MKI67: variants seen among roughly 807,000 people sequenced by gnomAD.
MKI67 encodes the protein proliferation marker protein Ki-67.
Under a neutral mutation model 233.5 loss-of-function variants are expected in MKI67, and 152 were observed. The observed-to-expected ratio is 0.65, with a 90% CI of 0.57 to 0.74. The LOEUF is 0.74. Among genes scored for constraint, MKI67 ranks in the 30% least tolerant of loss-of-function variants. The pLI is 0.00. For missense variants in MKI67, 3,940 were observed against 3,885.2 expected, an observed-to-expected ratio of 1.01 and a Z score of -0.37; for synonymous variants, 1,465 against 1,418.5, an observed-to-expected ratio of 1.03 and a Z score of -0.74.
At chr10:128,112,757 C>T (rs528444925) in intron 8 of MKI67, among the ~76,000 whole-genome samples, 18 of 152,264 alleles carry the variant, frequency 1.2e-4, no homozygotes, top group Admixed American at 5.2e-4. Context: ...ACCCAGCCCC[C>T]GGCAGTCCAC....
At chr10:128,114,183 C>T (rs1000512453) in intron 7 of MKI67, among the ~76,000 whole-genome samples, 2 of 152,214 alleles carry the variant, frequency 1.3e-5, no homozygotes, top group Non-Finnish European at 2.9e-5. Context: ...TATAGGCCAC[C>T]TGCAGAAACA....
At chr10:128,099,640 T>A (rs2136122652) in intron 14 of MKI67, among the ~76,000 whole-genome samples, 1 of 152,340 alleles carries the variant, frequency 6.6e-6, no homozygotes, top group African/African-American at 2.4e-5. Context: ...GGAACCCCTG[T>A]AGACAGAAGC....
chr10:128,125,458 C>T lies in MKI67; in HGVS notation c.92+118G>A, dbSNP rs529102755. 434 of 786,124 alleles carry T rather than the reference C, an allele frequency of 5.5e-4. 1 individual carries two copies. Among genetic ancestry groups the T allele is most frequent in the South Asian group, 2.1e-3 (145 of 69,002 alleles). The allele number at this position is 786,124 out of a possible 1,614,324, so 48.7% of individuals were successfully genotyped here. A position where few individuals can be genotyped will look rare whatever the true frequency, so the allele number is the denominator to read the frequency against. The stretch of plus-strand genomic sequence containing the variant: ...TCAACTTAGTAACGAATGGGAGAAG[C>T]ACCAAGGAAAAGTGACGGCAGGACC... On this transcript the variant is annotated intron_variant, in intron 2 of 14. Transcript: ENST00000368654. This position sits in a 1 kb window ranked among gnomAD's most constrained non-coding sequence, Gnocchi z 5.3.
In MKI67 at chr10:128,119,321, T is replaced by G. The variant is rs868556803; in HGVS notation, c.288-2A>C. 6.3e-7 allele frequency: 1 copy of G among 1,595,058 alleles called. No homozygotes were observed. The highest frequency in any genetic ancestry group is 2.2e-5 in the East Asian group (1 of 44,774). ...TTCTGAAGACTTTCATTTTCATACC[T>G]GCAGTTTATAGAACGACAAAGATCC... On this transcript the variant is annotated splice_acceptor_variant, in intron 4 of 14. Coordinates refer to ENST00000368654, the MANE Select transcript of MKI67 (RefSeq NM_002417.5). LOFTEE classifies it high-confidence loss of function.
At chr10:128,112,557 C>G in intron 8 of MKI67, 112 bp from the exon 9 acceptor site, 11 of 1,034,016 alleles carry the variant, frequency 1.1e-5, no homozygotes, top group Non-Finnish European at 1.4e-5. Flanking sequence ...CTTGAAGCAT[C>G]AAATGCTTAA....
At position 128,125,353 on chromosome 10, in the gene MKI67, A is replaced by C. The variant is rs1853032719; in HGVS notation, c.92+223T>G. ...CAACATTAGCAAATCGATTTTTTTA[A>C]TTGGCTTGATTTTTAAAACCACTTA... On this transcript the variant is annotated intron_variant, in intron 2 of 14. Coordinates refer to ENST00000368654, the MANE Select transcript of MKI67 (RefSeq NM_002417.5). This position sits in a 1 kb window ranked among gnomAD's most constrained non-coding sequence, Gnocchi z 5.3. Among the ~76,000 whole-genome samples, 1 of 152,132 alleles carries C rather than the reference A, an allele frequency of 6.6e-6. No homozygotes were observed. The highest frequency in any genetic ancestry group is 2.1e-4 in the South Asian group (1 of 4,826).
intron 2 of MKI67, among the ~76,000 whole-genome samples, chr10:128,124,720 C>A: frequency 6.6e-6 from 1 of 152,174 alleles, no homozygotes; most frequent in East Asian, 1.9e-4. Flanking sequence ...GTTGGAAATA[C>A]AAGTTTTCAT....
chr10:128,104,609 G>GT lies in MKI67; in HGVS notation c.7230dup (p.Leu2411ThrfsTer18), dbSNP rs1852430838. On this transcript the variant is annotated frameshift_variant, in exon 13 of 15. Transcript: ENST00000368654. LOFTEE classifies it high-confidence loss of function. ...CCAGGTAAATTTCCTAGCAGGTCCA[G>GT]TTTCTGCACTGGAGTTTCCACAAAT... 1 of 1,613,530 alleles carries GT rather than the reference G, an allele frequency of 6.2e-7. No homozygotes were observed. Among genetic ancestry groups the GT allele is most frequent in the African/African-American group, 1.3e-5 (1 of 74,722 alleles).
rs200652929 is a variant in MKI67 at position 128,109,147 on chromosome 10, G to A, written c.2693C>T (p.Thr898Ile). 1.2e-6 allele frequency: 2 copies of A among 1,614,118 alleles called. No homozygotes were observed. Among genetic ancestry groups the A allele is most frequent in the East Asian group, 2.2e-5 (1 of 44,882 alleles). The change falls in exon 13 of 15, where the codon ACA becomes ATA. Residue 898 changes from threonine to isoleucine, a missense_variant. By Grantham distance (89) the Thr-to-Ile change is moderately conservative (BLOSUM62 -1). Transcript: ENST00000368654. Reference sequence around the variant, plus strand: ...TTTTAGGATGCACTCAACAATTTCTGTATTTGTTTCTTCACTCTTACTTTC... The same window carrying A: ...TTTTAGGATGCACTCAACAATTTCTATATTTGTTTCTTCACTCTTACTTTC... ...PVESKSEETN[T>I]EIVECILKRG...
At chr10:128,114,429 T>C (rs1216935455) in intron 7 of MKI67, among the ~76,000 whole-genome samples, 1 of 152,338 alleles carries the variant, frequency 6.6e-6, no homozygotes, top group South Asian at 2.1e-4. Flanking sequence ...ATGTGGCATA[T>C]GGACTCATGG....
Position 128,105,726 on chromosome 10 carries a change from G to A in MKI67, c.6114C>T (p.Ser2038=). Reference sequence around the variant, plus strand: ...TTGCAGATTCCTTAAACGCTTTGATGCTCTTTCCATCTCCTGCTGTCTCTC... The same window carrying A: ...TTGCAGATTCCTTAAACGCTTTGATACTCTTTCCATCTCCTGCTGTCTCTC... ...THRETAGDGK[S]IKAFKESAKQ... is the part of the protein sequence containing the mutation. The change falls in exon 13 of 15, where the codon AGC becomes AGT. Residue 2038 remains serine (S), a synonymous_variant. Transcript: ENST00000368654. 1 of 1,614,018 alleles carries A rather than the reference G, an allele frequency of 6.2e-7. No individual in the cohort carries two copies. Among genetic ancestry groups the A allele is most frequent in the Non-Finnish European group, 8.5e-7 (1 of 1,179,986 alleles).
chr10:128,106,526 TA>T lies in MKI67; in HGVS notation c.5313del (p.Phe1771LeufsTer19). On this transcript the variant is annotated frameshift_variant, in exon 13 of 15. Coordinates refer to ENST00000368654, the MANE Select transcript of MKI67 (RefSeq NM_002417.5). LOFTEE classifies it high-confidence loss of function. ...KADTEEEFLA[F>X]RKQTPSAGKA... The stretch of plus-strand genomic sequence containing the variant: ...TTGCCTGCTGATGGCGTTTGTTTCC[TA>T]AATGCTAAAAATTCTTCTTCAGTGT... 1.2e-6 allele frequency: 2 copies of T among 1,614,168 alleles called. No individual in the cohort carries two copies. Among genetic ancestry groups the T allele is most frequent in the Non-Finnish European group, 1.7e-6 (2 of 1,180,022 alleles).
At position 128,106,077 on chromosome 10, in the gene MKI67, C is replaced by T. The variant is rs1296149191; in HGVS notation, c.5763G>A (p.Val1921=). 6 of 1,613,828 alleles carry T rather than the reference C, an allele frequency of 3.7e-6. No homozygotes were observed. The African/African-American group carries it at 6.7e-5, about 18-fold the overall frequency. Reference sequence around the variant, plus strand: ...GGTCCAGTTTCTCCACTGGAGTCCCCACAAATGTGTTGATGTCTTTCTCTT... The same window carrying T: ...GGTCCAGTTTCTCCACTGGAGTCCCTACAAATGTGTTGATGTCTTTCTCTT... ...VGEEKDINTF[V]GTPVEKLDLL... The change falls in exon 13 of 15, where the codon GTG becomes GTA. Residue 1921 remains valine, a synonymous_variant. Coordinates refer to ENST00000368654, the MANE Select transcript of MKI67 (RefSeq NM_002417.5).
rs758631366 is a variant in MKI67 at position 128,104,853 on chromosome 10, G to A, written c.6987C>T (p.Asp2329=). The A allele has an allele frequency of 4.3e-6, 7 of 1,611,540 alleles. No homozygotes were observed. The highest frequency in any genetic ancestry group is 8.5e-7 in the Non-Finnish European group (1 of 1,179,462). The change falls in exon 13 of 15, where the codon GAC becomes GAT. Residue 2329 remains aspartate, a synonymous_variant. Transcript: ENST00000368654. ...FKELFQTPGT[D]KPTTDEKTTK... is the part of the protein sequence containing the mutation. Reference sequence around the variant, plus strand: ...TAGTTTTCTCATCAGTCGTGGGCTTGTCAGTGCCTGGTGTCTGGAAGAGCT... The same window carrying A: ...TAGTTTTCTCATCAGTCGTGGGCTTATCAGTGCCTGGTGTCTGGAAGAGCT...
rs1852336942 is a variant in MKI67, at chr10:128,101,605, TTC to T, written c.9356_9357del (p.Arg3119LysfsTer2). ...FVLAERIEIN[R>X]NEKKPMKTSP... ...GAGGTCTTCATGGGCTTCTTTTCATTTCTGTTTATTTCTATTCTTTCTGCTAA... is the reference window on the plus strand; with the variant it reads ...GAGGTCTTCATGGGCTTCTTTTCATTTGTTTATTTCTATTCTTTCTGCTAA... On this transcript the variant is annotated frameshift_variant, in exon 14 of 15. Coordinates refer to ENST00000368654, the MANE Select transcript of MKI67 (RefSeq NM_002417.5). LOFTEE classifies it high-confidence loss of function. 6.2e-7 allele frequency: 1 copy of T among 1,613,978 alleles called. No homozygotes were observed. Among genetic ancestry groups the T allele is most frequent in the African/African-American group, 1.3e-5 (1 of 74,918 alleles).
In MKI67 at chr10:128,101,288, A is replaced by G; in HGVS notation, c.9675T>C (p.Ser3225=). ...ESKSVQRVTR[S]VKRCAENPKK... Reference sequence around the variant, plus strand: ...TTGGATTTTCTGCACACCTCTTGACACTCCGCGTTACTCTCTGCACAGATT... The same window carrying G: ...TTGGATTTTCTGCACACCTCTTGACGCTCCGCGTTACTCTCTGCACAGATT... Residue 3225 remains serine, a synonymous_variant, in exon 14 of 15, where the codon AGT becomes AGC. Transcript: ENST00000368654. 6.2e-7 allele frequency: 1 copy of G among 1,614,004 alleles called. No homozygotes were observed. Among genetic ancestry groups the G allele is most frequent in the Non-Finnish European group, 8.5e-7 (1 of 1,179,972 alleles).
At position 128,108,072 on chromosome 10, in the gene MKI67, T is replaced by C; in HGVS notation, c.3768A>G (p.Ser1256=). The part of the protein sequence containing the change: ...TTKIPCDSPQ[S]DPVDTPTSTK... ...TGCTTGTTGGGGTGTCCACTGGGTCTGACTGTGGAGAGTCGCAGGGTATTT... is the reference window on the plus strand; with the variant it reads ...TGCTTGTTGGGGTGTCCACTGGGTCCGACTGTGGAGAGTCGCAGGGTATTT... Residue 1256 remains serine (S), a synonymous_variant, in exon 13 of 15, where the codon TCA becomes TCG. Coordinates refer to ENST00000368654, the MANE Select transcript of MKI67 (RefSeq NM_002417.5). The C allele has an allele frequency of 5.0e-6, 8 of 1,613,928 alleles. No homozygotes were observed. Among genetic ancestry groups the C allele is most frequent in the Non-Finnish European group, 6.8e-6 (8 of 1,180,004 alleles).
In MKI67 at chr10:128,108,840, G is replaced by A. The variant is rs763052564; in HGVS notation, c.3000C>T (p.Gly1000=). ...ACTGGCAGGGCATTTTAGTGATTTT[G>A]CCTTTCTCACTCTTTGGTGCCTTGG... is the stretch of plus-strand genomic sequence containing the variant. ...DHAKAPKSEK[G]KITKMPCQSL... The change falls in exon 13 of 15, where the codon GGC becomes GGT. Residue 1000 remains glycine (G), a synonymous_variant. Transcript: ENST00000368654. The A allele has an allele frequency of 1.2e-6, 2 of 1,614,010 alleles. No homozygotes were observed. The highest frequency in any genetic ancestry group is 2.7e-5 in the African/African-American group (2 of 74,908).
At position 128,111,744 on chromosome 10, in the gene MKI67, T is replaced by C. The variant is rs747620411; in HGVS notation, c.2161A>G (p.Lys721Glu). 76 of 1,614,110 alleles carry C rather than the reference T, an allele frequency of 4.7e-5. No individual in the cohort carries two copies. Among genetic ancestry groups the C allele is most frequent in the Non-Finnish European group, 6.3e-5 (74 of 1,180,042 alleles). Residue 721 changes from lysine (K) to glutamate (E), a missense_variant, in exon 11 of 15, where the codon AAA becomes GAA. By Grantham distance (56) the Lys-to-Glu change is moderately conservative (BLOSUM62 1). Transcript: ENST00000368654. ...ACATGTACTTTTTCAGTATGAGCTT[T>C]CCCTATTATTATGGTACAAGGAGAG... ...ANSPCTIIIG[K>E]AHTEKVHVPA...
Sources: gnomAD v4.1 joint callset for allele counts (sites outside exome capture counted in the v4.1 genomes callset) on GRCh38, gnomAD v4.1.1 for gene constraint, Gnocchi (gnomAD v3.1) non-coding constraint, MANE v1.5 for transcripts, NCBI Gene and HGNC (gene_info 2026-07-23, HGNC 2026-07-21) for gene names.